Variants in TMEM167A observed in about 807,000 individuals in gnomAD.
The protein encoded by TMEM167A is protein kish-A.
TMEM167A carries 8 observed loss-of-function variants against 11.6 expected under a neutral mutation model. That is an observed-to-expected ratio of 0.69 (90% CI 0.40 to 1.24). The LOEUF (loss-of-function observed/expected upper bound fraction) is 1.24. TMEM167A is among the 50% of genes most tolerant of loss of function. TMEM167A has a pLI of 0.01. For missense variants in TMEM167A, 62 were observed against 87.0 expected (o/e 0.71, Z 1.14); for synonymous variants, 22 against 28.0 (o/e 0.79, Z 0.67).
intron 3 of TMEM167A, among the ~76,000 whole-genome samples, chr5:83,058,718 T>C (rs1744367033): frequency 6.6e-6 from 1 of 152,122 alleles, no homozygotes; most frequent in South Asian, 2.1e-4. Context: ...GAAGTTCCCC[T>C]TTTCCTCATC....
At chr5:83,066,089 T>C (rs577587510) in intron 1 of TMEM167A, among the ~76,000 whole-genome samples, 4 of 152,208 alleles carry the variant, frequency 2.6e-5, no homozygotes, top group African/African-American at 7.2e-5. Context: ...GCACCAATCA[T>C]ATGCCTGTCT....
At chr5:83,074,598 C>T (rs769480585) in intron 1 of TMEM167A, among the ~76,000 whole-genome samples, 15 of 152,108 alleles carry the variant, frequency 9.9e-5, no homozygotes, top group South Asian at 6.2e-4. Flanking sequence ...AGTAAAGGTT[C>T]GGAACTGGAA....
At chr5:83,058,121 C>T (rs1744357672) in intron 3 of TMEM167A, among the ~76,000 whole-genome samples, 1 of 152,072 alleles carries the variant, frequency 6.6e-6, no homozygotes, top group East Asian at 1.9e-4. Context: ...TCAACTCTTT[C>T]TTAATGAAAC....
At chr5:83,068,348 C>T (rs73769242) in intron 1 of TMEM167A, among the ~76,000 whole-genome samples, 6,389 of 152,036 alleles carry the variant, frequency 0.042, 422 homozygotes, top group African/African-American at 0.15. Context: ...TTATGTTATC[C>T]TCATGTATCT....
At chr5:83,065,156 A>G in intron 1 of TMEM167A, 39 bp from the exon 2 acceptor site, 1 of 1,270,820 alleles carries the variant, frequency 7.9e-7, no homozygotes, top group Admixed American at 2.1e-5. Context: ...AATATCAAGA[A>G]AAACTGCATA....
At chr5:83,072,789 A>C (rs1200297153) in intron 1 of TMEM167A, among the ~76,000 whole-genome samples, 1 of 152,098 alleles carries the variant, frequency 6.6e-6, no homozygotes, top group East Asian at 1.9e-4. Flanking sequence ...TTTTCTTTGC[A>C]ATCAGTATTC....
At chr5:83,070,997 AAAAG>A (rs1309208782) in intron 1 of TMEM167A, among the ~76,000 whole-genome samples, 1 of 152,176 alleles carries the variant, frequency 6.6e-6, no homozygotes, top group Admixed American at 6.5e-5. Flanking sequence ...TAAAAATGCA[AAAAG>A]AAAGAAACAA....
At chr5:83,063,025 G>C (rs1744429288) in intron 2 of TMEM167A, among the ~76,000 whole-genome samples, 2 of 151,950 alleles carry the variant, frequency 1.3e-5, no homozygotes, top group South Asian at 2.1e-4. Flanking sequence ...TCAATGTATA[G>C]AAACTGCTAT....
Position 83,053,728 on chromosome 5 carries a change from GACT to G in TMEM167A, c.*3353_*3355del, listed in dbSNP as rs1744290980. 1 of 152,020 alleles carries G rather than the reference GACT, an allele frequency of 6.6e-6. No individual in the cohort carries two copies. Among genetic ancestry groups the G allele is most frequent in the South Asian group, 2.1e-4 (1 of 4,830 alleles). The allele number at this position is 152,020 out of a possible 1,614,324, so 9.4% of individuals were successfully genotyped here. On this transcript the variant is annotated 3_prime_UTR_variant, in exon 4 of 4. Coordinates refer to ENST00000502346, the MANE Select transcript of TMEM167A (RefSeq NM_174909.5). ...GCTAGGTTATTTCTAGTTCTTAACAGACTACTGTGCTTTTGCACAATGCTCTCA... is the reference window on the plus strand; with the variant it reads ...GCTAGGTTATTTCTAGTTCTTAACAGACTGTGCTTTTGCACAATGCTCTCA...
chr5:83,074,808 T>G (rs1178175395), intron 1 of TMEM167A, among the ~76,000 whole-genome samples: 2 of 152,088 alleles, frequency 1.3e-5, no homozygotes, highest in African/African-American at 4.8e-5. Flanking sequence ...TTCGCTCTTG[T>G]TGTCCAGGCT....
chr5:83,060,301 A>C (rs936864392), intron 3 of TMEM167A, among the ~76,000 whole-genome samples: 22 of 152,056 alleles, frequency 1.4e-4, no homozygotes, highest in African/African-American at 4.8e-4. Flanking sequence ...ACGTAGAAAA[A>C]ATATTTTTCA....
intron 1 of TMEM167A, chr5:83,071,493 C>G (rs1744558569): frequency 6.6e-6 from 1 of 152,082 alleles, no homozygotes; most frequent in African/African-American, 2.4e-5. Flanking sequence ...TTCAGAAAAT[C>G]TAGGTCAGGT....
intron 3 of TMEM167A, among the ~76,000 whole-genome samples, chr5:83,058,777 T>C (rs1383539427): frequency 1.3e-5 from 2 of 152,108 alleles, no homozygotes; most frequent in Non-Finnish European, 2.9e-5. Flanking sequence ...TTTTCCTGTT[T>C]TTAATTTTCT....
chr5:83,062,850 CTT>C (rs76736747), intron 2 of TMEM167A, among the ~76,000 whole-genome samples: 87 of 138,944 alleles, frequency 6.3e-4, no homozygotes, highest in Admixed American at 6.6e-4. Flanking sequence ...TTATAGTATA[CTT>C]TTTTTTTTTT....
In TMEM167A at chr5:83,054,535, G is replaced by A. The variant is rs893649119; in HGVS notation, c.*2549C>T. The A allele has an allele frequency of 6.6e-6, 1 of 151,952 alleles. No homozygotes were observed. Among genetic ancestry groups the A allele is most frequent in the African/African-American group, 2.4e-5 (1 of 41,408 alleles). The allele number at this position is 151,952 out of a possible 1,614,324, so 9.4% of individuals were successfully genotyped here. ...CCTGTAACAACAGGTCTATATGATA[G>A]AGATATTCCATCTGAGCTGGAGGCC... is the stretch of plus-strand genomic sequence containing the variant. On this transcript the variant is annotated 3_prime_UTR_variant, in exon 4 of 4. Coordinates refer to ENST00000502346, the MANE Select transcript of TMEM167A (RefSeq NM_174909.5).
rs1410339010 is a variant in TMEM167A, at chr5:83,061,784, T to G, written c.148+93A>C. On this transcript the variant is annotated intron_variant, in intron 3 of 3. Coordinates refer to ENST00000502346, the MANE Select transcript of TMEM167A (RefSeq NM_174909.5). ...GCATAAAATTGGGAAGCCTGCCCTT[T>G]AAAAATTAACATTTGACTTGTGAGA... The G allele has an allele frequency of 6.3e-6, 8 of 1,261,148 alleles. No homozygotes were observed. In the East Asian group the frequency reaches 7.0e-5, roughly 11 times the overall value. The allele number at this position is 1,261,148 out of a possible 1,614,324, so 78.1% of individuals were successfully genotyped here. A position where few individuals can be genotyped will look rare whatever the true frequency, so the allele number is the denominator to read the frequency against.
chr5:83,062,127 T>C (rs994777201), intron 2 of TMEM167A, among the ~76,000 whole-genome samples: 6 of 152,174 alleles, frequency 3.9e-5, no homozygotes, highest in Admixed American at 3.9e-4. Context: ...GAAACTGCTA[T>C]GAAATGGAAT....
intron 1 of TMEM167A, among the ~76,000 whole-genome samples, chr5:83,073,665 A>G (rs901583969): frequency 2.0e-5 from 3 of 152,202 alleles, no homozygotes; most frequent in Admixed American, 6.5e-5. Context: ...CCCATTGTAT[A>G]TATCTCTGGG....
intron 1 of TMEM167A, among the ~76,000 whole-genome samples, chr5:83,071,194 C>T (rs548907228): frequency 2.6e-5 from 4 of 152,172 alleles, no homozygotes; most frequent in African/African-American, 9.6e-5. Flanking sequence ...GATTAAGGGG[C>T]TTATTTATAC....
Sources: gnomAD v4.1 joint callset for allele counts (sites outside exome capture counted in the v4.1 genomes callset) on GRCh38, gnomAD v4.1.1 for gene constraint, MANE v1.5 for transcripts, NCBI Gene and HGNC (gene_info 2026-07-23, HGNC 2026-07-21) for gene names.